The following KCNT2 variants were observed in gnomAD, a reference collection of about 807,000 sequenced individuals.
KCNT2 encodes the protein potassium sodium-activated channel subfamily T member 2, also known as potassium channel subfamily T member 2.
A neutral mutation model predicts 153.8 loss-of-function variants in KCNT2; 67 were observed. That is an observed-to-expected ratio of 0.44 (90% confidence interval 0.36 to 0.53). The LOEUF (loss-of-function observed/expected upper bound fraction) is 0.53, where lower values mean the gene tolerates loss of function less well. Ranked by LOEUF, KCNT2 falls within the 20% of genes least tolerant of loss-of-function variation. The pLI, the probability that KCNT2 is intolerant of heterozygous loss-of-function variation, is 0.00. For synonymous variants in KCNT2, 500 were observed against 458.8 expected (o/e 1.09, Z -1.15); for missense variants, 975 against 1,354.8 (o/e 0.72, Z 4.40).
chr1:196,354,694 A>G (rs1296890640), intron 14 of KCNT2, among the ~76,000 whole-genome samples: 1 of 151,742 alleles, frequency 6.6e-6, no homozygotes, highest in Non-Finnish European at 1.5e-5. Flanking sequence ...AATTCACTAT[A>G]TTGATTGCAA....
At chr1:196,447,626 G>A (rs895806670) in intron 8 of KCNT2, among the ~76,000 whole-genome samples, 3 of 151,580 alleles carry the variant, frequency 2.0e-5, no homozygotes, top group African/African-American at 4.8e-5. Flanking sequence ...GATTTGGGAG[G>A]TAGAGCCAAT....
intron 25 of KCNT2, among the ~76,000 whole-genome samples, chr1:196,265,825 T>A (rs1657490422): frequency 6.6e-6 from 1 of 152,168 alleles, no homozygotes; most frequent in Non-Finnish European, 1.5e-5. Context: ...CTCTGTGGCA[T>A]ACCCAAGAGG....
At chr1:196,521,596 C>A (rs887712295) in intron 1 of KCNT2, among the ~76,000 whole-genome samples, 9 of 152,128 alleles carry the variant, frequency 5.9e-5, no homozygotes, top group African/African-American at 2.2e-4. Flanking sequence ...GGTATATATA[C>A]ACCATGGAAT....
At chr1:196,339,302 A>G (rs540447359) in intron 16 of KCNT2, among the ~76,000 whole-genome samples, 8 of 152,086 alleles carry the variant, frequency 5.3e-5, no homozygotes, top group Non-Finnish European at 1.2e-4. Context: ...GTAGTGACAA[A>G]GAGGAACATG....
At chr1:196,249,117 A>C (rs1218246934) in intron 26 of KCNT2, among the ~76,000 whole-genome samples, 1 of 152,154 alleles carries the variant, frequency 6.6e-6, no homozygotes, top group Non-Finnish European at 1.5e-5. Flanking sequence ...ATGATTAAAA[A>C]AAAACTAAAA....
At chr1:196,417,025 G>A (rs1338026094) in intron 12 of KCNT2, among the ~76,000 whole-genome samples, 1 of 151,848 alleles carries the variant, frequency 6.6e-6, no homozygotes, top group Non-Finnish European at 1.5e-5. Context: ...GCCTTCCTGT[G>A]TCTGACTTAT....
At chr1:196,421,867 A>G (rs1319659249) in intron 12 of KCNT2, among the ~76,000 whole-genome samples, 3 of 151,968 alleles carry the variant, frequency 2.0e-5, no homozygotes, top group Non-Finnish European at 4.4e-5. Flanking sequence ...TCTCCTTGGC[A>G]TGTATATTGC....
chr1:196,598,427 C>T (rs1421575324), intron 1 of KCNT2, among the ~76,000 whole-genome samples: 1 of 152,152 alleles, frequency 6.6e-6, no homozygotes, highest in Non-Finnish European at 1.5e-5. Context: ...TCTACTTTCT[C>T]CAGACTATCA....
chr1:196,602,944 G>A (rs959061323), intron 1 of KCNT2, among the ~76,000 whole-genome samples: 30 of 150,296 alleles, frequency 2.0e-4, no homozygotes, highest in Non-Finnish European at 4.3e-4. Flanking sequence ...CCGCCACCGC[G>A]CCCGGCTAAT....
intron 6 of KCNT2, among the ~76,000 whole-genome samples, chr1:196,468,551 C>T (rs545483309): frequency 6.6e-6 from 1 of 152,146 alleles, no homozygotes; most frequent in African/African-American, 2.4e-5. Flanking sequence ...GGGTGCCTGA[C>T]TTTTGACAAT....
At chr1:196,459,604 T>C (rs922152387) in intron 8 of KCNT2, among the ~76,000 whole-genome samples, 6 of 151,878 alleles carry the variant, frequency 4.0e-5, no homozygotes, top group Admixed American at 1.3e-4. Context: ...AAGTTATCAT[T>C]TAGGTATAAC....
chr1:196,377,000 G>T (rs1267781623), intron 13 of KCNT2, among the ~76,000 whole-genome samples: 1 of 151,822 alleles, frequency 6.6e-6, no homozygotes, highest in Non-Finnish European at 1.5e-5. Context: ...GGTCTTGTAT[G>T]GTCAAAAGAT....
intron 22 of KCNT2, among the ~76,000 whole-genome samples, chr1:196,297,049 G>C (rs1343370853): frequency 6.6e-6 from 1 of 151,570 alleles, no homozygotes; most frequent in African/African-American, 2.4e-5. Context: ...TTTCTTTTTT[G>C]TGACTTATAA....
chr1:196,322,956 A>T lies in KCNT2; in HGVS notation c.2277-3401T>A, dbSNP rs765945887. Reference sequence around the variant, plus strand: ...ATTTTCTTGATTGGCAGAAGAAAAAAATGATGTTTCTTATCTTCCTTTTAT... The same window carrying T: ...ATTTTCTTGATTGGCAGAAGAAAAATATGATGTTTCTTATCTTCCTTTTAT... On this transcript the variant is annotated intron_variant, in intron 19 of 27. Transcript: ENST00000294725. Among the ~76,000 whole-genome samples, 92 of 151,894 alleles carry T rather than the reference A, an allele frequency of 6.1e-4. 2 individuals carry two copies. Among genetic ancestry groups the T allele is most frequent in the Admixed American group, 2.6e-4 (4 of 15,208 alleles).
At chr1:196,387,984 T>C (rs1467956313) in intron 13 of KCNT2, among the ~76,000 whole-genome samples, 2 of 151,394 alleles carry the variant, frequency 1.3e-5, no homozygotes, top group Admixed American at 6.6e-5. Context: ...AGCTAAGAAA[T>C]ATTTGCTACT....
intron 1 of KCNT2, among the ~76,000 whole-genome samples, chr1:196,570,699 A>G (rs760666780): frequency 1.3e-5 from 2 of 152,114 alleles, no homozygotes; most frequent in African/African-American, 2.4e-5. Flanking sequence ...CATAATGGGG[A>G]TGCCTAGGAT....
intron 14 of KCNT2, among the ~76,000 whole-genome samples, chr1:196,359,513 C>T (rs1425117834): frequency 2.6e-5 from 4 of 151,904 alleles, no homozygotes; most frequent in African/African-American, 9.7e-5. Flanking sequence ...TTTAGTGCAT[C>T]TTATTTCATT....
At chr1:196,436,522 T>C (rs7531611) in intron 8 of KCNT2, among the ~76,000 whole-genome samples, 93,571 of 151,126 alleles carry the variant, frequency 0.62, 29,676 homozygotes, top group Middle Eastern at 0.76. Flanking sequence ...GTTATTTTAC[T>C]TAGATCTGTG....
intron 1 of KCNT2, among the ~76,000 whole-genome samples, chr1:196,572,473 A>G (rs181664862): frequency 1.1e-4 from 17 of 152,088 alleles, no homozygotes; most frequent in Non-Finnish European, 2.5e-4. Flanking sequence ...AGATAAAGAG[A>G]GAGAGAGTGC....
Sources: gnomAD v4.1 joint callset for allele counts (sites outside exome capture counted in the v4.1 genomes callset) on GRCh38, gnomAD v4.1.1 for gene constraint, MANE v1.5 for transcripts, NCBI Gene and HGNC (gene_info 2026-07-23, HGNC 2026-07-21) for gene names.